CDH13: variants seen among roughly 807,000 people sequenced by gnomAD.
The protein encoded by CDH13 is cadherin-13.
In CDH13, 24 loss-of-function variants were observed where a neutral mutation model predicts 63.8. The ratio of observed to expected loss-of-function variants is 0.38; its 90% CI spans 0.27 to 0.53. The LOEUF is 0.53. Among genes scored for constraint, CDH13 ranks in the 20% least tolerant of loss-of-function variants. The pLI, the probability that CDH13 is intolerant of heterozygous loss-of-function variation, is 0.85. For synonymous variants in CDH13, 503 were observed against 355.3 expected (o/e 1.42, Z -4.67); for missense variants, 1,049 against 903.1 (o/e 1.16, Z -2.07).
intron 10 of CDH13, among the ~76,000 whole-genome samples, chr16:83,719,911 G>A (rs1322707110): frequency 6.6e-6 from 1 of 152,148 alleles, no homozygotes; most frequent in Non-Finnish European, 1.5e-5. Flanking sequence ...TGCAGCATAG[G>A]GGACAGTGGG....
intron 1 of CDH13, among the ~76,000 whole-genome samples, chr16:82,672,806 C>G (rs867048981): frequency 7.4e-6 from 1 of 135,106 alleles, no homozygotes; most frequent in Non-Finnish European, 1.6e-5. Context: ...CACACATACA[C>G]ACACACACAC....
At chr16:82,692,814 A>ATTCG (rs3041882) in intron 1 of CDH13, among the ~76,000 whole-genome samples, 1 of 151,950 alleles carries the variant, frequency 6.6e-6, no homozygotes, top group Non-Finnish European at 1.5e-5. Context: ...CTGCACAGGC[A>ATTCG]TTTTTAGTAT....
intron 1 of CDH13, among the ~76,000 whole-genome samples, chr16:82,731,809 T>A (rs2151036922): frequency 6.6e-6 from 1 of 152,366 alleles, no homozygotes; most frequent in African/African-American, 2.4e-5. Context: ...ATCTTTGATA[T>A]CAGTGAAATA....
chr16:82,683,193 C>A (rs1233308479), intron 1 of CDH13, among the ~76,000 whole-genome samples: 2 of 152,124 alleles, frequency 1.3e-5, no homozygotes, highest in Non-Finnish European at 2.9e-5. Flanking sequence ...CTAAACCTTC[C>A]CTGTCTCAGC....
intron 2 of CDH13, chr16:82,858,917 A>G (rs1003769657): frequency 2.3e-5 from 4 of 174,632 alleles, no homozygotes; most frequent in Non-Finnish European, 4.8e-5. Flanking sequence ...TTAGACACAG[A>G]CATCAAAAAC....
chr16:83,538,985 G>A (rs1295000764), intron 7 of CDH13, among the ~76,000 whole-genome samples: 5 of 152,120 alleles, frequency 3.3e-5, no homozygotes, highest in African/African-American at 1.2e-4. Flanking sequence ...TCTATTCTGA[G>A]GACTTTTCAG....
chr16:83,081,152 A>ATTT (rs768044118), intron 3 of CDH13, among the ~76,000 whole-genome samples: 16 of 151,996 alleles, frequency 1.1e-4, no homozygotes, highest in Non-Finnish European at 1.8e-4. Context: ...AAATGCTGGG[A>ATTT]TTATAAGCAT....
chr16:83,137,368 G>GT (rs1233030622), intron 4 of CDH13, among the ~76,000 whole-genome samples: 1 of 152,212 alleles, frequency 6.6e-6, no homozygotes, highest in East Asian at 1.9e-4. Flanking sequence ...GGAAAATGAG[G>GT]AAGGGAGTGA....
intron 1 of CDH13, among the ~76,000 whole-genome samples, chr16:82,767,654 G>C (rs1444374006): frequency 6.6e-6 from 1 of 152,134 alleles, no homozygotes; most frequent in South Asian, 2.1e-4. Flanking sequence ...GACTCTGGCT[G>C]TTCATATTCT....
chr16:82,664,634 C>G (rs549218834), intron 1 of CDH13, among the ~76,000 whole-genome samples: 12 of 152,238 alleles, frequency 7.9e-5, no homozygotes, highest in African/African-American at 2.9e-4. Flanking sequence ...TTAAAACAGC[C>G]TTATTCTCTA....
chr16:83,401,729 G>A (rs2091971115), intron 6 of CDH13, among the ~76,000 whole-genome samples: 2 of 152,180 alleles, frequency 1.3e-5, no homozygotes, highest in Admixed American at 1.3e-4. Context: ...GTAAGTAGCA[G>A]AGCTAGAATT....
intron 7 of CDH13, among the ~76,000 whole-genome samples, chr16:83,601,114 C>G (rs1216179404): frequency 6.6e-6 from 1 of 152,216 alleles, no homozygotes; most frequent in East Asian, 1.9e-4. Flanking sequence ...CTAATTAGGA[C>G]TCATTCCAAA....
chr16:82,731,918 T>A (rs2033422973), intron 1 of CDH13, among the ~76,000 whole-genome samples: 1 of 152,202 alleles, frequency 6.6e-6, no homozygotes, highest in Admixed American at 6.5e-5. Context: ...TGGGGCATGT[T>A]CTCTTTAGCT....
chr16:83,544,804 G>T (rs1245895990), intron 7 of CDH13, among the ~76,000 whole-genome samples: 1 of 152,092 alleles, frequency 6.6e-6, no homozygotes, highest in Non-Finnish European at 1.5e-5. Flanking sequence ...TGCAAAATGA[G>T]GATTTATAAC....
chr16:83,289,501 T>C (rs1326815749), intron 5 of CDH13, among the ~76,000 whole-genome samples: 1 of 152,240 alleles, frequency 6.6e-6, no homozygotes, highest in Non-Finnish European at 1.5e-5. Flanking sequence ...CAGCCTGCGT[T>C]GAGAAGCACT....
intron 5 of CDH13, among the ~76,000 whole-genome samples, chr16:83,308,725 G>A (rs865812375): frequency 2.0e-5 from 3 of 152,178 alleles, no homozygotes; most frequent in South Asian, 2.1e-4. Context: ...TCCCCTCACC[G>A]CCGTCTCCAT....
intron 10 of CDH13, among the ~76,000 whole-genome samples, chr16:83,723,248 C>T (rs392536): frequency 1 from 152,064 of 152,354 alleles, 75,887 homozygotes; most frequent in Middle Eastern, 1. Flanking sequence ...CTGTATACGA[C>T]TTCATCTTTT....
rs552680689 is a variant in CDH13 at position 83,326,794 on chromosome 16, C to G, written c.637-18068C>G. Among the ~76,000 whole-genome samples, 13 of 152,312 alleles carry G rather than the reference C, an allele frequency of 8.5e-5. No homozygotes were observed. The East Asian group carries it at 2.3e-3, about 27-fold the overall frequency. On this transcript the variant is annotated intron_variant, in intron 5 of 13. Coordinates refer to ENST00000567109, the MANE Select transcript of CDH13 (RefSeq NM_001257.5). Reference sequence around the variant, plus strand: ...TTGGATGACACTGTGCCAGGAGAGTCTAGAGGTCCTATAACAAAGCCAAAT... The same window carrying G: ...TTGGATGACACTGTGCCAGGAGAGTGTAGAGGTCCTATAACAAAGCCAAAT...
At chr16:83,506,443 C>G (rs929793584) in intron 7 of CDH13, among the ~76,000 whole-genome samples, 1 of 152,228 alleles carries the variant, frequency 6.6e-6, no homozygotes, top group African/African-American at 2.4e-5. Flanking sequence ...TTGATCCAAA[C>G]TACAGTCTGA....
Sources: gnomAD v4.1 joint callset for allele counts (sites outside exome capture counted in the v4.1 genomes callset) on GRCh38, gnomAD v4.1.1 for gene constraint, MANE v1.5 for transcripts, NCBI Gene and HGNC (gene_info 2026-07-23, HGNC 2026-07-21) for gene names.